Variants in IDUA observed in about 807,000 individuals in gnomAD.
IDUA encodes the protein iduronidase alpha-L-.
Under a neutral mutation model 68.9 loss-of-function variants are expected in IDUA, and 65 were observed. That is an observed-to-expected ratio of 0.94 (90% CI 0.77 to 1.16). The LOEUF is 1.16. Ranked by LOEUF, IDUA falls within the 50% of genes most tolerant of loss-of-function variation. The pLI, the probability that IDUA is intolerant of heterozygous loss-of-function variation, is 0.00. For missense variants in IDUA, 1,046 were observed against 938.0 expected, an observed-to-expected ratio of 1.12 and a Z score of -1.50; for synonymous variants, 529 against 433.6, an observed-to-expected ratio of 1.22 and a Z score of -2.73.
At position 1,002,939 on chromosome 4, in the gene IDUA, G is replaced by A; in HGVS notation, c.1397G>A (p.Gly466Asp). The change falls in exon 9 of 14, where the codon GGC (glycine) becomes GAC (aspartate). Residue 466 changes from glycine to aspartate, a missense_variant. Transcript: ENST00000514224. Reference sequence around the variant, plus strand: ...CTGCGGCTGCGCGGGGTGCCCCCCGGCCCGGGTAAGCCGGGGTTCCAGGGA... The same window carrying A: ...CTGCGGCTGCGCGGGGTGCCCCCCGACCCGGGTAAGCCGGGGTTCCAGGGA... Reference protein sequence around the residue: ...VTLRLRGVPPGPGLVYVTRYL... With the variant: ...VTLRLRGVPPDPGLVYVTRYL... The A allele has an allele frequency of 7.3e-7, 1 of 1,361,254 alleles. No individual in the cohort carries two copies. Among genetic ancestry groups the A allele is most frequent in the Admixed American group, 3.9e-5 (1 of 25,334 alleles). The allele number at this position is 1,361,254 out of a possible 1,614,324, so 84.3% of individuals were successfully genotyped here. A position where few individuals can be genotyped will look rare whatever the true frequency, so the allele number is the denominator to read the frequency against.
At chr4:995,295 G>A (rs964977882) in intron 2 of IDUA, among the ~76,000 whole-genome samples, 5 of 151,760 alleles carry the variant, frequency 3.3e-5, no homozygotes, top group Non-Finnish European at 5.9e-5. Flanking sequence ...CACCCGCCTC[G>A]GCCTCCCAAA....
rs1396716872 is a variant in IDUA at position 1,004,407 on chromosome 4, C to T, written c.*14C>T. On this transcript the variant is annotated 3_prime_UTR_variant, in exon 14 of 14. Coordinates refer to ENST00000514224, the MANE Select transcript of IDUA (RefSeq NM_000203.5). The surrounding 1 kb of genome is among the most constrained non-coding windows in gnomAD (Gnocchi z 5.0). ...GGCAATCCATGAGCCTGTGCTGAGC[C>T]CCAGTGGGTTGCACCTCCACCGGCA... The T allele has an allele frequency of 1.9e-6, 3 of 1,609,262 alleles. No individual in the cohort carries two copies. Among genetic ancestry groups the T allele is most frequent in the Non-Finnish European group, 2.5e-6 (3 of 1,179,916 alleles).
chr4:1,001,975 C>A lies in IDUA; in HGVS notation c.793-7C>A, dbSNP rs1400882741. 6.3e-7 allele frequency: 1 copy of A among 1,578,792 alleles called. No homozygotes were observed. The highest frequency in any genetic ancestry group is 1.9e-5 in the Admixed American group (1 of 53,434). On this transcript the variant is annotated splice_region_variant and splice_polypyrimidine_tract_variant and intron_variant, in intron 6 of 13. Transcript: ENST00000514224. Reference sequence around the variant, plus strand: ...CCCTGGTGGTGCTGAGGCGGCCCCGCCCGCAGGGTGCGCGCAGCTCCATCT... The same window carrying A: ...CCCTGGTGGTGCTGAGGCGGCCCCGACCGCAGGGTGCGCGCAGCTCCATCT...
chr4:994,368 T>C (rs532720601), intron 2 of IDUA, among the ~76,000 whole-genome samples: 124 of 149,692 alleles, frequency 8.3e-4, no homozygotes, highest in Middle Eastern at 3.5e-3. Flanking sequence ...CTCTGCCTCC[T>C]GGGTTCACGC....
chr4:988,061 G>A, intron 2 of IDUA, 112 bp downstream of exon 2: 1 of 1,473,204 alleles, frequency 6.8e-7, no homozygotes, highest in Non-Finnish European at 9.0e-7. Flanking sequence ...TCCCGCCGAA[G>A]CACCCTGTTG....
chr4:1,002,734 G>A lies in IDUA; in HGVS notation c.1192G>A (p.Glu398Lys). Residue 398 changes from glutamate (E) to lysine (K), a missense_variant and splice_region_variant, in exon 9 of 14, where the codon GAG (glutamate) becomes AAG (lysine). Transcript: ENST00000514224. The stretch of plus-strand genomic sequence containing the variant: ...GACGGCCCCCCCCCGCCCCGCAGAT[G>A]AGGAGCAGCTCTGGGCCGAAGTGTC... Reference protein sequence around the residue: ...TAMGLLALLDEEQLWAEVSQA... With the variant: ...TAMGLLALLDKEQLWAEVSQA... 6.7e-7 allele frequency: 1 copy of A among 1,484,354 alleles called. No individual in the cohort carries two copies. Among genetic ancestry groups the A allele is most frequent in the South Asian group, 1.3e-5 (1 of 78,438 alleles). 91.9% of individuals were successfully genotyped at this position (1,484,354 alleles called of 1,614,324 possible).
intron 2 of IDUA, chr4:992,357 G>C (rs1367357139): frequency 5.4e-6 from 2 of 370,350 alleles, no homozygotes; most frequent in Admixed American, 6.1e-5. Flanking sequence ...GTGGGTCCTG[G>C]GGCTGGCGGA....
chr4:988,455 C>T, intron 2 of IDUA: 1 of 1,095,806 alleles, frequency 9.1e-7, no homozygotes, highest in Non-Finnish European at 1.1e-6. Flanking sequence ...ACCGGGCAGG[C>T]CTGGGCATAG....
At chr4:1,001,031 T>C in intron 4 of IDUA, 42 bp downstream of exon 4, 1 of 1,424,142 alleles carries the variant, frequency 7.0e-7, no homozygotes, top group Non-Finnish European at 9.9e-7. Context: ...GGGGCGGGGG[T>C]ACTCCTGGGC....
chr4:1,003,025 A>G lies in IDUA; in HGVS notation c.1403-11A>G, dbSNP rs1335436961. 5 of 1,475,898 alleles carry G rather than the reference A, an allele frequency of 3.4e-6. No homozygotes were observed. Among genetic ancestry groups the G allele is most frequent in the Admixed American group, 4.7e-5 (2 of 42,602 alleles). 91.4% of individuals were successfully genotyped at this position (1,475,898 alleles called of 1,614,324 possible). A position where few individuals can be genotyped will look rare whatever the true frequency, so the allele number is the denominator to read the frequency against. On this transcript the variant is annotated splice_polypyrimidine_tract_variant and intron_variant, in intron 9 of 13. Coordinates refer to ENST00000514224, the MANE Select transcript of IDUA (RefSeq NM_000203.5). ...CCCGGGGAGCCGAGGCCTGAGTGTC[A>G]GGCCCCGCAGGCCTGGTCTACGTCA...
At chr4:994,512 A>T (rs1319424639) in intron 2 of IDUA, among the ~76,000 whole-genome samples, 1 of 148,004 alleles carries the variant, frequency 6.8e-6, no homozygotes, top group East Asian at 2.0e-4. Flanking sequence ...ATCTCGGCTC[A>T]CTGCAAGCTC....
intron 4 of IDUA, 129 bp downstream of exon 4, chr4:1,001,118 G>T: frequency 2.8e-6 from 2 of 714,236 alleles, no homozygotes; most frequent in Non-Finnish European, 2.4e-6. Context: ...CTTGTGGGGG[G>T]ATGGGGGTGA....
At position 1,002,764 on chromosome 4, in the gene IDUA, G is replaced by A. The variant is rs1249968766; in HGVS notation, c.1222G>A (p.Ala408Thr). 5.4e-6 allele frequency: 8 copies of A among 1,484,990 alleles called. No individual in the cohort carries two copies. The highest frequency in any genetic ancestry group is 1.8e-6 in the Non-Finnish European group (2 of 1,124,298). The allele number at this position is 1,484,990 out of a possible 1,614,324, so 92.0% of individuals were successfully genotyped here. The change falls in exon 9 of 14, where the codon GCC becomes ACC. Residue 408 changes from alanine (A) to threonine (T), a missense_variant. Ala to Thr is a moderately conservative substitution (Grantham distance 58, BLOSUM62 0). Transcript: ENST00000514224. ...EEQLWAEVSQ[A>T]GTVLDSNHTV... ...GCAGCTCTGGGCCGAAGTGTCGCAG[G>A]CCGGGACCGTCCTGGACAGCAACCA... is the stretch of plus-strand genomic sequence containing the variant.
intron 2 of IDUA, chr4:992,102 C>T (rs1189453880): frequency 2.0e-6 from 1 of 507,414 alleles, no homozygotes; most frequent in Non-Finnish European, 3.8e-6. Flanking sequence ...CTCACCTCCC[C>T]AACGGGGCAG....
intron 2 of IDUA, among the ~76,000 whole-genome samples, chr4:995,780 C>T (rs900713614): frequency 6.6e-5 from 10 of 152,348 alleles, no homozygotes; most frequent in South Asian, 4.1e-4. Context: ...GTCTGCCAAG[C>T]GCTGCTAGTT....
At chr4:989,118 G>T in intron 2 of IDUA, 1 of 1,605,544 alleles carries the variant, frequency 6.2e-7, no homozygotes, top group Non-Finnish European at 8.5e-7. Context: ...TGTGGAAGCC[G>T]GCCGCTGCGG....
Position 1,004,261 on chromosome 4 carries a change from C to T in IDUA, c.1830C>T (p.Asp610=). Residue 610 remains aspartate, a splice_region_variant and synonymous_variant, in exon 14 of 14, where the codon GAC becomes GAT. Coordinates refer to ENST00000514224, the MANE Select transcript of IDUA (RefSeq NM_000203.5). The surrounding 1 kb of genome is among the most constrained non-coding windows in gnomAD (Gnocchi z 5.0). ...GCACACATGTCCCCTTGTCTCCAGA[C>T]ACAGGTGCTGTCTCTGGCTCCTACC... ...STFNLFVFSP[D]TGAVSGSYRV... 6.2e-7 allele frequency: 1 copy of T among 1,610,054 alleles called. No homozygotes were observed. Among genetic ancestry groups the T allele is most frequent in the Non-Finnish European group, 8.5e-7 (1 of 1,179,970 alleles).
chr4:993,911 C>T (rs963409681), intron 2 of IDUA, among the ~76,000 whole-genome samples: 11 of 152,308 alleles, frequency 7.2e-5, no homozygotes, highest in East Asian at 3.9e-4. Context: ...TGGTGCTCAC[C>T]GCCCAGGGCG....
chr4:987,641 A>G, intron 1 of IDUA, 168 bp from the exon 2 acceptor site: 1 of 1,450,986 alleles, frequency 6.9e-7, no homozygotes, highest in Non-Finnish European at 9.1e-7. Context: ...CCCCATGAAG[A>G]TGGGACCTCC....
Sources: gnomAD v4.1 joint callset for allele counts (sites outside exome capture counted in the v4.1 genomes callset) on GRCh38, gnomAD v4.1.1 for gene constraint, Gnocchi (gnomAD v3.1) non-coding constraint, MANE v1.5 for transcripts, NCBI Gene and HGNC (gene_info 2026-07-23, HGNC 2026-07-21) for gene names.